IPO5: variants seen among roughly 807,000 people sequenced by gnomAD.
The protein encoded by IPO5 is importin 5, also known as importin-5.
A neutral mutation model predicts 143.3 loss-of-function variants in IPO5; 18 were observed. The observed-to-expected ratio is 0.13, with a 90% CI of 0.09 to 0.19. The LOEUF (loss-of-function observed/expected upper bound fraction) is 0.19, where lower values mean the gene tolerates loss of function less well. Among genes scored for constraint, IPO5 ranks in the 10% least tolerant of loss-of-function variants. The pLI, the probability that IPO5 is intolerant of heterozygous loss-of-function variation, is 1.00. For missense variants in IPO5, 1,013 were observed against 1,336.9 expected (o/e 0.76, Z 3.78); for synonymous variants, 477 against 465.7 (o/e 1.02, Z -0.31).
chr13:97,954,718 T>G (rs1327890363), intron 2 of IPO5, among the ~76,000 whole-genome samples: 1 of 152,232 alleles, frequency 6.6e-6, no homozygotes, highest in Non-Finnish European at 1.5e-5. Flanking sequence ...CATTGTCATC[T>G]TATAAAGTAT....
chr13:98,011,855 A>T (rs1195655497), intron 20 of IPO5, among the ~76,000 whole-genome samples: 1 of 152,154 alleles, frequency 6.6e-6, no homozygotes, highest in Non-Finnish European at 1.5e-5. Flanking sequence ...CAGATTTACA[A>T]AGTAAATGCT....
Position 97,971,109 on chromosome 13 carries a change from C to T in IPO5, c.-5+1279C>T, listed in dbSNP as rs141524954. Among the ~76,000 whole-genome samples, 145 of 152,336 alleles carry T rather than the reference C, an allele frequency of 9.5e-4. 1 individual carries two copies. In the East Asian group the frequency reaches 0.022, roughly 23 times the overall value. On this transcript the variant is annotated intron_variant, in intron 3 of 28. Coordinates refer to ENST00000651721, the MANE Select transcript of IPO5 (RefSeq NM_002271.6). ...CTATCATTTGAACTTGCACATTGGCCGGCTCTGGAGCCTCTGCTCCCAGCC... is the reference window on the plus strand; with the variant it reads ...CTATCATTTGAACTTGCACATTGGCTGGCTCTGGAGCCTCTGCTCCCAGCC...
Position 98,002,380 on chromosome 13 carries a change from A to G in IPO5, c.1109-87A>G, listed in dbSNP as rs1008780001. ...CAAAAAAGTTTTGTTACTCTTTTCCAAATAAGAACTTTTATACATCTCCCT... is the reference window on the plus strand; with the variant it reads ...CAAAAAAGTTTTGTTACTCTTTTCCGAATAAGAACTTTTATACATCTCCCT... On this transcript the variant is annotated intron_variant, in intron 13 of 28. Coordinates refer to ENST00000651721, the MANE Select transcript of IPO5 (RefSeq NM_002271.6). The G allele has an allele frequency of 6.0e-6, 8 of 1,341,524 alleles. No individual in the cohort carries two copies. In the African/African-American group the frequency reaches 1.0e-4, roughly 17 times the overall value. 83.1% of individuals were successfully genotyped at this position (1,341,524 alleles called of 1,614,324 possible).
intron 16 of IPO5, among the ~76,000 whole-genome samples, chr13:98,003,820 C>G (rs1301758657): frequency 6.6e-6 from 1 of 151,680 alleles, no homozygotes. Context: ...GCCCTTCAAC[C>G]TGGGCAACAA....
rs1887688671 is a variant in IPO5, at chr13:97,990,106, A to C, written c.468-20A>C. Reference sequence around the variant, plus strand: ...ATTAATATAATGTAGTTTTTAAAGAATGTTTGGATTATCTTTTAGGAACTT... The same window carrying C: ...ATTAATATAATGTAGTTTTTAAAGACTGTTTGGATTATCTTTTAGGAACTT... On this transcript the variant is annotated intron_variant, in intron 7 of 28. Transcript: ENST00000651721. The C allele has an allele frequency of 7.1e-7, 1 of 1,407,788 alleles. No individual in the cohort carries two copies. The highest frequency in any genetic ancestry group is 1.0e-6 in the Non-Finnish European group (1 of 994,968). The allele number at this position is 1,407,788 out of a possible 1,614,324, so 87.2% of individuals were successfully genotyped here. A position where few individuals can be genotyped will look rare whatever the true frequency, so the allele number is the denominator to read the frequency against.
At chr13:97,983,345 T>C (rs1164193827) in intron 5 of IPO5, among the ~76,000 whole-genome samples, 1 of 152,210 alleles carries the variant, frequency 6.6e-6, no homozygotes, top group Non-Finnish European at 1.5e-5. Flanking sequence ...GTACTAAAGA[T>C]ATACTTAGGA....
At position 97,976,704 on chromosome 13, in the gene IPO5, C is replaced by T. The variant is rs1251457064; in HGVS notation, c.8C>T (p.Ala3Val). The T allele has an allele frequency of 4.3e-6, 6 of 1,384,006 alleles. No individual in the cohort carries two copies. Among genetic ancestry groups the T allele is most frequent in the East Asian group, 3.9e-5 (1 of 25,478 alleles). 85.7% of individuals were successfully genotyped at this position (1,384,006 alleles called of 1,614,324 possible). A position where few individuals can be genotyped will look rare whatever the true frequency, so the allele number is the denominator to read the frequency against. Reference protein sequence around the residue: MAAAAAEQQQFYL... With the variant: MAVAAAEQQQFYL... ...TCTCTCACGCCTAGCGCAATGGCGG[C>T]GGCCGCGGCGGAGCAGCAACAGTTC... The change falls in exon 4 of 29, where the codon GCG becomes GTG. Residue 3 changes from alanine (A) to valine (V), a missense_variant. Transcript: ENST00000651721.
In IPO5 at chr13:98,009,966, C is replaced by T; in HGVS notation, c.1886C>T (p.Pro629Leu). The change falls in exon 19 of 29, where the codon CCT becomes CTT. Residue 629 changes from proline (P) to leucine (L), a missense_variant. Transcript: ENST00000651721. ...FQQYLPVVMG[P>L]LMKTASIKPE... is the part of the protein sequence containing the mutation. ...CAATACCTTCCAGTGGTTATGGGGC[C>T]TTTAATGAAGACGGCTTCAATTAAG... 2 of 1,614,082 alleles carry T rather than the reference C, an allele frequency of 1.2e-6. No homozygotes were observed. The highest frequency in any genetic ancestry group is 1.7e-6 in the Non-Finnish European group (2 of 1,179,980).
intron 3 of IPO5, 68 bp from the exon 4 acceptor site, chr13:97,976,625 C>T (rs1027464083): frequency 9.2e-5 from 57 of 619,334 alleles, no homozygotes; most frequent in Non-Finnish European, 1.3e-4. Flanking sequence ...CCGCCCCCGC[C>T]CCTCCCGCGG....
chr13:97,954,037 G>T (rs991481421), intron 1 of IPO5, 82 bp from the exon 2 acceptor site: 5 of 363,790 alleles, frequency 1.4e-5, no homozygotes, highest in African/African-American at 1.1e-4. Context: ...GATTAGAGTT[G>T]CCCAAAAGAA....
At chr13:97,998,519 A>G (rs979527325) in intron 12 of IPO5, among the ~76,000 whole-genome samples, 1 of 152,234 alleles carries the variant, frequency 6.6e-6, no homozygotes, top group Non-Finnish European at 1.5e-5. Context: ...TGGTGAAAAG[A>G]TGAGAGTCAA....
chr13:98,016,473 C>G (rs547203179), intron 24 of IPO5, among the ~76,000 whole-genome samples: 6 of 152,236 alleles, frequency 3.9e-5, no homozygotes, highest in African/African-American at 1.4e-4. Flanking sequence ...AAGTATGTTC[C>G]AAGGAAAATC....
At chr13:97,956,045 T>C (rs1031582203) in intron 2 of IPO5, among the ~76,000 whole-genome samples, 3 of 149,358 alleles carry the variant, frequency 2.0e-5, no homozygotes, top group Admixed American at 6.7e-5. Flanking sequence ...GGCGAGACAA[T>C]GGCGTGAACC....
chr13:97,962,080 G>T (rs1884933016), intron 2 of IPO5, among the ~76,000 whole-genome samples: 1 of 152,190 alleles, frequency 6.6e-6, no homozygotes, highest in Non-Finnish European at 1.5e-5. Flanking sequence ...AGTGAGCTGA[G>T]ATCATGCCAA....
chr13:97,959,959 G>T (rs1000368746), intron 2 of IPO5, among the ~76,000 whole-genome samples: 1 of 152,174 alleles, frequency 6.6e-6, no homozygotes, highest in African/African-American at 2.4e-5. Flanking sequence ...CCACAGAGGG[G>T]TGCCTAATAT....
At position 97,956,518 on chromosome 13, in the gene IPO5, G is replaced by A. The variant is rs143805410; in HGVS notation, c.-113+2320G>A. ...TCTCACCCTTAGGAAGGTCTTCCCTGGGCACCCTATTTTAACAGTACCCCA... is the reference window on the plus strand; with the variant it reads ...TCTCACCCTTAGGAAGGTCTTCCCTAGGCACCCTATTTTAACAGTACCCCA... On this transcript the variant is annotated intron_variant, in intron 2 of 28. Transcript: ENST00000651721. 5.0e-3 allele frequency among the ~76,000 whole-genome samples: 767 copies of A among 152,174 alleles called. 1 individual carries two copies. The highest frequency in any genetic ancestry group is 8.3e-3 in the Non-Finnish European group (561 of 67,986).
chr13:97,955,755 G>C (rs1593995560), intron 2 of IPO5, among the ~76,000 whole-genome samples: 1 of 152,170 alleles, frequency 6.6e-6, no homozygotes, highest in African/African-American at 2.4e-5. Context: ...AGTTAAGGGG[G>C]AAGCTGCAAC....
Position 98,012,312 on chromosome 13 carries a change from G to T in IPO5, c.2122G>T (p.Val708Phe), listed in dbSNP as rs763062627. The T allele has an allele frequency of 6.2e-7, 1 of 1,609,724 alleles. No individual in the cohort carries two copies. Among genetic ancestry groups the T allele is most frequent in the East Asian group, 2.2e-5 (1 of 44,828 alleles). Residue 708 changes from valine (V) to phenylalanine (F), a missense_variant, in exon 21 of 29, where the codon GTC becomes TTC. Transcript: ENST00000651721. ...CACCGAACAGGTTGTCAAACTGATG[G>T]TCCCTTTACTGAAATTTTATTTCCA... ...EYTEQVVKLMVPLLKFYFHDG... is the reference protein window; with the variant it reads ...EYTEQVVKLMFPLLKFYFHDG...
intron 3 of IPO5, among the ~76,000 whole-genome samples, chr13:97,973,121 C>G (rs1440359904): frequency 7.1e-6 from 1 of 140,454 alleles, no homozygotes; most frequent in African/African-American, 2.6e-5. Flanking sequence ...TGGCTCACTG[C>G]AACCTCCGTC....
Sources: allele counts gnomAD v4.1 joint callset (sites outside exome capture counted in the v4.1 genomes callset), GRCh38; gene constraint gnomAD v4.1.1; transcripts MANE v1.5; gene names NCBI Gene and HGNC (gene_info 2026-07-23, HGNC 2026-07-21).